Variants in GPC5 observed in about 807,000 individuals in gnomAD.
The protein encoded by GPC5 is glypican-5.
GPC5 carries 47 observed loss-of-function variants against 53.9 expected under a neutral mutation model. The observed-to-expected ratio is 0.87, with a 90% CI of 0.69 to 1.11. The LOEUF (loss-of-function observed/expected upper bound fraction) is 1.11, where lower values mean the gene tolerates loss of function less well. Ranked by LOEUF, GPC5 falls within the 50% of genes most tolerant of loss-of-function variation. GPC5 has a pLI of 0.00. For synonymous variants in GPC5, 286 were observed against 263.3 expected (o/e 1.09, Z -0.84); for missense variants, 748 against 713.1 (o/e 1.05, Z -0.56).
At chr13:92,560,704 C>T (rs1201863917) in intron 7 of GPC5, among the ~76,000 whole-genome samples, 1 of 151,906 alleles carries the variant, frequency 6.6e-6, no homozygotes, top group Non-Finnish European at 1.5e-5. Context: ...TAATTTCTGC[C>T]TCAGATACAG....
At chr13:91,592,980 G>T (rs1041586788) in intron 2 of GPC5, among the ~76,000 whole-genome samples, 2 of 152,216 alleles carry the variant, frequency 1.3e-5, no homozygotes, top group African/African-American at 4.8e-5. Context: ...CCCTGTCTAT[G>T]CTCTCCTGGA....
chr13:92,279,968 G>T (rs1159700500), intron 7 of GPC5, among the ~76,000 whole-genome samples: 1 of 152,054 alleles, frequency 6.6e-6, no homozygotes, highest in Non-Finnish European at 1.5e-5. Context: ...TTTGGCAGAA[G>T]TTTGGGTAGA....
In GPC5 at chr13:92,821,381, C is replaced by G. The variant is rs146696773; in HGVS notation, c.1562-44901C>G. Among the ~76,000 whole-genome samples the G allele has an allele frequency of 5.3e-4, 81 of 152,218 alleles. 1 individual carries two copies. The highest frequency in any genetic ancestry group is 1.8e-3 in the African/African-American group (76 of 41,548). ...CTCTTAAGAACAGCCAATTCATAAT[C>G]ATGTGTATACTTCGCAAGTCAACAT... is the stretch of plus-strand genomic sequence containing the variant. On this transcript the variant is annotated intron_variant, in intron 7 of 7. Coordinates refer to ENST00000377067, the MANE Select transcript of GPC5 (RefSeq NM_004466.6).
At chr13:91,697,273 G>A (rs1461124029) in intron 3 of GPC5, among the ~76,000 whole-genome samples, 1 of 152,122 alleles carries the variant, frequency 6.6e-6, no homozygotes, top group Non-Finnish European at 1.5e-5. Flanking sequence ...CTCCCAAGTA[G>A]CTGGGACTAC....
rs148937412 is a variant in GPC5 at position 92,351,882 on chromosome 13, G to A, written c.1561+206893G>A. ...TTCATGGGCAAGATGACAATAGTGT[G>A]AAATAATGATTCTTTCTAAATTGAT... On this transcript the variant is annotated intron_variant, in intron 7 of 7. Transcript: ENST00000377067. Among the ~76,000 whole-genome samples the A allele has an allele frequency of 1.1e-3, 161 of 152,286 alleles. 2 individuals carry two copies. The highest frequency in any genetic ancestry group is 3.4e-3 in the African/African-American group (142 of 41,562).
intron 7 of GPC5, among the ~76,000 whole-genome samples, chr13:92,626,893 T>G (rs1055479202): frequency 2.6e-5 from 4 of 152,192 alleles, no homozygotes; most frequent in Non-Finnish European, 4.4e-5. Context: ...ATAAATGGTT[T>G]GTACATTTTT....
chr13:92,442,613 GA>G (rs994813942), intron 7 of GPC5, among the ~76,000 whole-genome samples: 17 of 152,174 alleles, frequency 1.1e-4, no homozygotes, highest in Admixed American at 4.6e-4. Flanking sequence ...ATGGTACTAA[GA>G]AAAAAAGTAA....
intron 5 of GPC5, among the ~76,000 whole-genome samples, chr13:91,874,754 T>C (rs568199702): frequency 8.5e-5 from 13 of 152,310 alleles, no homozygotes; most frequent in African/African-American, 3.1e-4. Context: ...CATAGAAACT[T>C]AGGTTGATTC....
At chr13:91,932,324 C>A (rs2039829711) in intron 6 of GPC5, among the ~76,000 whole-genome samples, 1 of 152,078 alleles carries the variant, frequency 6.6e-6, no homozygotes, top group African/African-American at 2.4e-5. Flanking sequence ...ATTTCTGGAT[C>A]TGCCCTAACC....
chr13:92,732,873 A>G (rs1398413183), intron 7 of GPC5, among the ~76,000 whole-genome samples: 1 of 151,512 alleles, frequency 6.6e-6, no homozygotes, highest in Non-Finnish European at 1.5e-5. Flanking sequence ...TCCTGATGTG[A>G]TCATTTCATT....
At chr13:92,020,792 ACT>A (rs2040751434) in intron 6 of GPC5, among the ~76,000 whole-genome samples, 1 of 149,190 alleles carries the variant, frequency 6.7e-6, no homozygotes, top group South Asian at 2.1e-4. Context: ...TTGCCTTTTC[ACT>A]CTGTTAATTG....
chr13:92,646,929 C>CGTGTGTGTGTGTGTGTGT (rs372426651), intron 7 of GPC5, among the ~76,000 whole-genome samples: 27 of 135,154 alleles, frequency 2.0e-4, no homozygotes, highest in South Asian at 7.2e-4. Context: ...TATATATAAA[C>CGTGTGTGTGTGTGTGTGT]ATGTGTGTGT....
intron 7 of GPC5, among the ~76,000 whole-genome samples, chr13:92,344,568 T>C (rs773014325): frequency 1.3e-5 from 2 of 152,178 alleles, no homozygotes; most frequent in Non-Finnish European, 1.5e-5. Flanking sequence ...TGAGGATTTA[T>C]GGGAGAGCAG....
chr13:92,459,709 T>C (rs907378981), intron 7 of GPC5, among the ~76,000 whole-genome samples: 15 of 152,216 alleles, frequency 9.9e-5, no homozygotes, highest in African/African-American at 2.9e-4. Flanking sequence ...GTATGTTTTG[T>C]TAGTCCTGAT....
rs1226316728 is a variant in GPC5, at chr13:91,701,524, CTTTT to C, written c.1020+7645_1020+7648del. On this transcript the variant is annotated intron_variant, in intron 3 of 7. Coordinates refer to ENST00000377067, the MANE Select transcript of GPC5 (RefSeq NM_004466.6). ...TTGCTGCAAATGACAGAATTTCTTT[CTTTT>C]TAAGGCTTAATAATATTCCACTGTG... Among the ~76,000 whole-genome samples the C allele has an allele frequency of 4.0e-5, 6 of 151,632 alleles. No individual in the cohort carries two copies. The South Asian group carries it at 1.2e-3, about 31-fold the overall frequency.
At chr13:91,500,075 A>G (rs976399222) in intron 2 of GPC5, among the ~76,000 whole-genome samples, 2 of 152,148 alleles carry the variant, frequency 1.3e-5, no homozygotes, top group Non-Finnish European at 2.9e-5. Flanking sequence ...CTTTGCTCCA[A>G]TATAGACCAG....
chr13:92,381,485 A>G (rs1173425157), intron 7 of GPC5, among the ~76,000 whole-genome samples: 3 of 152,178 alleles, frequency 2.0e-5, no homozygotes, highest in Non-Finnish European at 2.9e-5. Flanking sequence ...GCCATAATCA[A>G]AAAATCAAAA....
At chr13:92,140,988 A>C (rs917305766) in intron 6 of GPC5, among the ~76,000 whole-genome samples, 1 of 152,336 alleles carries the variant, frequency 6.6e-6, no homozygotes, top group Admixed American at 6.5e-5. Flanking sequence ...GGGGATTTAT[A>C]TTATTAATTG....
At chr13:91,531,971 A>G (rs765977702) in intron 2 of GPC5, among the ~76,000 whole-genome samples, 4 of 152,186 alleles carry the variant, frequency 2.6e-5, no homozygotes, top group Non-Finnish European at 5.9e-5. Flanking sequence ...TAGTCACAAA[A>G]ACGTTTTTCT....
Sources: allele counts gnomAD v4.1 joint callset (sites outside exome capture counted in the v4.1 genomes callset), GRCh38; gene constraint gnomAD v4.1.1; transcripts MANE v1.5; gene names NCBI Gene and HGNC (gene_info 2026-07-23, HGNC 2026-07-21).